The following FOXP3 variants were observed in gnomAD, a reference collection of about 807,000 sequenced individuals.
The protein encoded by FOXP3 is forkhead box P3.
A neutral mutation model predicts 31.2 loss-of-function variants in FOXP3; 5 were observed. That is an observed-to-expected ratio of 0.16 (90% CI 0.08 to 0.34). The LOEUF is 0.34. Ranked by LOEUF, FOXP3 falls within the 10% of genes least tolerant of loss-of-function variation. FOXP3 has a pLI of 1.00. For missense variants in FOXP3, 251 were observed against 363.0 expected (o/e 0.69, Z 2.51); for synonymous variants, 141 against 148.8 (o/e 0.95, Z 0.38).
rs2066044503 is a variant in FOXP3, at chrX:49,253,116, C to T, written c.1044+10G>A. On this transcript the variant is annotated intron_variant, in intron 10 of 11. Coordinates refer to ENST00000376207, the MANE Select transcript of FOXP3 (RefSeq NM_014009.4). ...CTTCCTCCTCCTTGGGGCCGAGCTG[C>T]CCTGCTTACCCAGCGGATGAGCGTG... 2.5e-6 allele frequency: 3 copies of T among 1,203,840 alleles called. No homozygotes were observed. Among genetic ancestry groups the T allele is most frequent in the Non-Finnish European group, 3.4e-6 (3 of 891,468 alleles).
chrX:49,254,171 G>T, intron 8 of FOXP3, 104 bp from the exon 9 acceptor site: 1 of 976,690 alleles, frequency 1.0e-6, no homozygotes, highest in South Asian at 2.4e-5. Flanking sequence ...TTGCTCTGTC[G>T]CCCAGGCTGG....
In FOXP3 at chrX:49,253,473, G is replaced by A. The variant is rs1270271745; in HGVS notation, c.968-271C>T. Among the ~76,000 whole-genome samples, 3 of 113,419 alleles carry A rather than the reference G, an allele frequency of 2.6e-5. No homozygotes were observed. The East Asian group carries it at 8.3e-4, about 32-fold the overall frequency. The stretch of plus-strand genomic sequence containing the variant: ...AGAGGTTAAATGGCAGAGCCAGGAT[G>A]ACAGTCAAGGTCTCTGATCCCTGCT... On this transcript the variant is annotated intron_variant, in intron 9 of 11. Coordinates refer to ENST00000376207, the MANE Select transcript of FOXP3 (RefSeq NM_014009.4).
intron 8 of FOXP3, among the ~76,000 whole-genome samples, chrX:49,254,945 GTT>G (rs1201744900): frequency 1.0e-4 from 10 of 95,958 alleles, no homozygotes; most frequent in East Asian, 3.3e-4. Context: ...GAGTCAGAGG[GTT>G]TTTTTTTTTT....
At chrX:49,252,438 CGAT>C (rs782307704) in intron 10 of FOXP3, among the ~76,000 whole-genome samples, 12 of 110,038 alleles carry the variant, frequency 1.1e-4, no homozygotes, top group Non-Finnish European at 1.9e-4. Context: ...ACAGAGTCAG[CGAT>C]GATGATTGCA....
intron 11 of FOXP3, 50 bp from the exon 12 acceptor site, chrX:49,251,533 A>G: frequency 1.7e-6 from 2 of 1,211,269 alleles, no homozygotes; most frequent in Middle Eastern, 2.3e-4. Flanking sequence ...CTCTGAGGCC[A>G]GCAGCCACCA....
chrX:49,258,719 G>T (rs927639619), intron 1 of FOXP3, among the ~76,000 whole-genome samples, 192 bp from the exon 2 acceptor site: 2 of 110,069 alleles, frequency 1.8e-5, no homozygotes, highest in Middle Eastern at 4.7e-3. Context: ...CAAGAACACA[G>T]GTACATGTAC....
chrX:49,252,523 A>G (rs956748334), intron 10 of FOXP3, among the ~76,000 whole-genome samples: 1 of 110,103 alleles, frequency 9.1e-6, no homozygotes, highest in Non-Finnish European at 1.9e-5. Context: ...ATCTGGTATC[A>G]TGTAGGGGTG....
chrX:49,258,748 C>T (rs2066092590), intron 1 of FOXP3, among the ~76,000 whole-genome samples: 1 of 111,461 alleles, frequency 9.0e-6, no homozygotes, highest in African/African-American at 3.3e-5. Flanking sequence ...ACATGCCCCA[C>T]GTGCAGAGGT....
intron 1 of FOXP3, 24 bp downstream of exon 1, chrX:49,264,637 G>C: frequency 2.7e-6 from 2 of 751,093 alleles, no homozygotes; most frequent in Non-Finnish European, 3.1e-6. Flanking sequence ...CCCACATCTG[G>C]TAGGGGAGAG....
chrX:49,250,716 G>A lies in FOXP3; in HGVS notation c.*618C>T, dbSNP rs782360493. 4.6e-5 allele frequency: 12 copies of A among 258,525 alleles called. No individual in the cohort carries two copies. Among genetic ancestry groups the A allele is most frequent in the Non-Finnish European group, 7.9e-5 (11 of 138,602 alleles). The allele number at this position is 258,525 out of a possible 1,213,427, so 21.3% of individuals were successfully genotyped here. A position where few individuals can be genotyped will look rare whatever the true frequency, so the allele number is the denominator to read the frequency against. On this transcript the variant is annotated 3_prime_UTR_variant, in exon 12 of 12. Transcript: ENST00000376207. ...ATTCTAACAGGCCGTGTGTGTGAGC[G>A]AGCACGTGTTGGGACCTCAGATCCT...
intron 1 of FOXP3, among the ~76,000 whole-genome samples, chrX:49,259,780 C>T (rs1323275220): frequency 9.0e-6 from 1 of 111,552 alleles, no homozygotes; most frequent in Non-Finnish European, 1.9e-5. Flanking sequence ...TGCCGAGTTC[C>T]GTAGTCCCAT....
In FOXP3 at chrX:49,251,020, G is replaced by A; in HGVS notation, c.*314C>T. On this transcript the variant is annotated 3_prime_UTR_variant, in exon 12 of 12. Coordinates refer to ENST00000376207, the MANE Select transcript of FOXP3 (RefSeq NM_014009.4). ...AGCCCTGAAGTAATCTGTGCGAGCAGCTGAGGCAGGCTCTGTGTGGCTGGT... is the reference window on the plus strand; with the variant it reads ...AGCCCTGAAGTAATCTGTGCGAGCAACTGAGGCAGGCTCTGTGTGGCTGGT... The A allele has an allele frequency of 2.6e-6, 1 of 379,681 alleles. No individual in the cohort carries two copies. Among genetic ancestry groups the A allele is most frequent in the Non-Finnish European group, 4.7e-6 (1 of 214,896 alleles). The allele number at this position is 379,681 out of a possible 1,213,427, so 31.3% of individuals were successfully genotyped here. A position where few individuals can be genotyped will look rare whatever the true frequency, so the allele number is the denominator to read the frequency against.
Position 49,257,548 on chromosome X carries a change from G to A in FOXP3, c.333C>T (p.Ala111=), listed in dbSNP as rs781831285. 1 of 1,183,398 alleles carries A rather than the reference G, an allele frequency of 8.5e-7. No homozygotes were observed. The highest frequency in any genetic ancestry group is 3.0e-5 in the East Asian group (1 of 33,302). The change falls in exon 4 of 12, where the codon GCC becomes GCT. Residue 111 remains alanine, a synonymous_variant. Coordinates refer to ENST00000376207, the MANE Select transcript of FOXP3 (RefSeq NM_014009.4). ...HFMHQLSTVD[A]HARTPVLQVH... The stretch of plus-strand genomic sequence containing the variant: ...CCTGCAGCACAGGGGTCCGGGCGTG[G>A]GCATCCACCGTTGAGAGCTGGGGGG...
rs2066043947 is a variant in FOXP3 at position 49,253,031 on chromosome X, T to C, written c.1044+95A>G. 5.1e-6 allele frequency: 4 copies of C among 782,377 alleles called. No homozygotes were observed. In the Admixed American group the frequency reaches 1.1e-4, roughly 21 times the overall value. The allele number at this position is 782,377 out of a possible 1,213,427, so 64.5% of individuals were successfully genotyped here. ...GGGGCTTGGGAATGGAGGAACCCAC[T>C]CTGAGGGCACTCAGAGGGAGACAGG... On this transcript the variant is annotated intron_variant, in intron 10 of 11. Transcript: ENST00000376207.
At chrX:49,251,930 A>G (rs2066035521) in intron 10 of FOXP3, 165 bp from the exon 11 acceptor site, 1 of 748,250 alleles carries the variant, frequency 1.3e-6, no homozygotes, top group Non-Finnish European at 1.6e-6. Flanking sequence ...TGGGGTTAGA[A>G]AAGGGGTGAA....
rs11465478 is a variant in FOXP3, at chrX:49,253,109, C to T, written c.1044+17G>A. On this transcript the variant is annotated intron_variant, in intron 10 of 11. Transcript: ENST00000376207. ...TCTTTGTCTTCCTCCTCCTTGGGGC[C>T]GAGCTGCCCTGCTTACCCAGCGGAT... 522 of 1,200,805 alleles carry T rather than the reference C, an allele frequency of 4.3e-4. No homozygotes were observed. The highest frequency in any genetic ancestry group is 5.4e-4 in the Non-Finnish European group (476 of 889,218).
Position 49,257,767 on chromosome X carries a change from A to C in FOXP3, c.212T>G (p.Leu71Arg). 1 of 1,166,535 alleles carries C rather than the reference A, an allele frequency of 8.6e-7. No homozygotes were observed. The highest frequency in any genetic ancestry group is 2.3e-4 in the Middle Eastern group (1 of 4,292). ...CACCATGACTAGGGGCAGTGTGGGC[A>C]GCTGGGCAGAAAGGCAGGTGGGTGA... ...LNPMPPSQLQ[L>R]PTLPLVMVAP... is the part of the protein sequence containing the mutation. The change falls in exon 3 of 12, where the codon CTG becomes CGG. Residue 71 changes from leucine (L) to arginine (R), a missense_variant and splice_region_variant. Leu to Arg is a moderately radical substitution (Grantham distance 102). Coordinates refer to ENST00000376207, the MANE Select transcript of FOXP3 (RefSeq NM_014009.4).
Position 49,251,438 on chromosome X carries a change from C to T in FOXP3, c.1192G>A (p.Val398Met). 2 of 1,212,190 alleles carry T rather than the reference C, an allele frequency of 1.6e-6. No individual in the cohort carries two copies. The highest frequency in any genetic ancestry group is 2.2e-6 in the Non-Finnish European group (2 of 895,611). ...NLSLHKCFVR[V>M]ESEKGAVWTV... Reference sequence around the variant, plus strand: ...CACACAGCCCCCTTCTCGCTCTCCACCCGCACAAAGCACTTGTGCAGACTC... The same window carrying T: ...CACACAGCCCCCTTCTCGCTCTCCATCCGCACAAAGCACTTGTGCAGACTC... The change falls in exon 12 of 12, where the codon GTG becomes ATG. Residue 398 changes from valine (V) to methionine (M), a missense_variant. This residue lies in a region of FOXP3 where 36 missense variants were observed against 88.1 expected (regional missense o/e 0.41). Transcript: ENST00000376207.
chrX:49,251,780 G>T lies in FOXP3; in HGVS notation c.1045-15C>A. ...TCCAGGATGGCCTGGAAGTTGGGGG[G>T]TGGGGTAAGGGGCACATTCCCCAAA... On this transcript the variant is annotated splice_polypyrimidine_tract_variant and intron_variant, in intron 10 of 11. Transcript: ENST00000376207. 7 of 1,198,731 alleles carry T rather than the reference G, an allele frequency of 5.8e-6. No homozygotes were observed. The highest frequency in any genetic ancestry group is 7.8e-6 in the Non-Finnish European group (7 of 894,397).
Sources: gnomAD v4.1 joint callset for allele counts (sites outside exome capture counted in the v4.1 genomes callset) on GRCh38, gnomAD v4.1.1 for gene constraint, gnomAD v4.1.1 regional missense constraint, MANE v1.5 for transcripts, NCBI Gene and HGNC (gene_info 2026-07-23, HGNC 2026-07-21) for gene names.